Variants in PLCB1 observed in about 807,000 individuals in gnomAD.
PLCB1 encodes 1-phosphatidylinositol 4,5-bisphosphate phosphodiesterase beta-1.
PLCB1 carries 46 observed loss-of-function variants against 161.8 expected under a neutral mutation model. The ratio of observed to expected loss-of-function variants is 0.28; its 90% CI spans 0.22 to 0.36. The LOEUF (loss-of-function observed/expected upper bound fraction) is 0.36. PLCB1 is among the 10% of genes least tolerant of loss of function. The probability of loss-of-function intolerance (pLI) is 1.00; values close to 1 mark genes in which losing one functional copy is unlikely to be tolerated. For synonymous variants in PLCB1, 517 were observed against 503.7 expected (o/e 1.03, Z -0.35); for missense variants, 1,016 against 1,472.5 (o/e 0.69, Z 5.07).
chr20:8,722,171 A>G (rs1247599085), intron 14 of PLCB1, among the ~76,000 whole-genome samples, 183 bp from the exon 15 acceptor site: 3 of 151,930 alleles, frequency 2.0e-5, no homozygotes, highest in African/African-American at 2.4e-5. Flanking sequence ...GAAAAAATCT[A>G]TATTCAAAAT....
At chr20:8,779,883 T>A (rs1023853438) in intron 27 of PLCB1, among the ~76,000 whole-genome samples, 2 of 152,230 alleles carry the variant, frequency 1.3e-5, no homozygotes, top group Non-Finnish European at 2.9e-5. Context: ...CCTGTGGAAA[T>A]CACCCCTGTG....
intron 3 of PLCB1, among the ~76,000 whole-genome samples, chr20:8,518,121 G>T (rs1341035784): frequency 2.0e-5 from 3 of 152,038 alleles, no homozygotes; most frequent in African/African-American, 7.2e-5. Flanking sequence ...GGCGGAGGTT[G>T]CAGTGAGCCA....
intron 10 of PLCB1, among the ~76,000 whole-genome samples, chr20:8,688,199 C>T (rs1990399861): frequency 6.6e-6 from 1 of 152,052 alleles, no homozygotes; most frequent in African/African-American, 2.4e-5. Context: ...TTTCTCCTTG[C>T]TGATTTGTTT....
chr20:8,779,700 G>T (rs982188159), intron 27 of PLCB1, among the ~76,000 whole-genome samples: 10 of 152,110 alleles, frequency 6.6e-5, no homozygotes, highest in African/African-American at 2.4e-4. Context: ...GGATTCCCAG[G>T]TGTCTTGTCA....
chr20:8,322,873 C>T (rs1568631755), intron 2 of PLCB1, among the ~76,000 whole-genome samples: 1 of 152,168 alleles, frequency 6.6e-6, no homozygotes, highest in African/African-American at 2.4e-5. Context: ...GACCAGACGA[C>T]ATGTGTTGAA....
At chr20:8,242,761 G>A (rs534630235) in intron 2 of PLCB1, among the ~76,000 whole-genome samples, 6 of 152,072 alleles carry the variant, frequency 3.9e-5, no homozygotes, top group African/African-American at 1.2e-4. Flanking sequence ...TCCAGGGATA[G>A]GGACAAGGTT....
At chr20:8,813,177 G>T (rs58744718) in intron 31 of PLCB1, among the ~76,000 whole-genome samples, 4,019 of 152,236 alleles carry the variant, frequency 0.026, 167 homozygotes, top group African/African-American at 0.092. Flanking sequence ...AGGTCACATG[G>T]AACAAAAGGC....
chr20:8,837,118 C>G (rs1986318063), intron 31 of PLCB1, among the ~76,000 whole-genome samples: 3 of 152,222 alleles, frequency 2.0e-5, no homozygotes, highest in Non-Finnish European at 1.5e-5. Context: ...CAGAAGAGCC[C>G]TCTCCAGCCT....
chr20:8,374,058 A>G (rs1986990046), intron 3 of PLCB1, among the ~76,000 whole-genome samples: 1 of 151,982 alleles, frequency 6.6e-6, no homozygotes, highest in African/African-American at 2.4e-5. Flanking sequence ...ATGCCATGCA[A>G]GGTTCTGGTA....
Position 8,729,094 on chromosome 20 carries a change from G to A in PLCB1, c.1808G>A (p.Arg603His), listed in dbSNP as rs1980093812. The A allele has an allele frequency of 1.9e-6, 3 of 1,611,480 alleles. No individual in the cohort carries two copies. The highest frequency in any genetic ancestry group is 1.3e-5 in the African/African-American group (1 of 74,860). The change falls in exon 18 of 32, where the codon CGT (arginine) becomes CAT (histidine). Residue 603 changes from arginine (R) to histidine (H), a missense_variant. By Grantham distance (29) the Arg-to-His change is conservative. Coordinates refer to ENST00000338037, the MANE Select transcript of PLCB1 (RefSeq NM_015192.4). ...QLSRIYPKGTRVDSSNYMPQL... is the reference protein window; with the variant it reads ...QLSRIYPKGTHVDSSNYMPQL... ...AGCAGGATATATCCAAAAGGAACAC[G>A]TGTGGATTCATCCAACTATATGCCT...
intron 2 of PLCB1, among the ~76,000 whole-genome samples, chr20:8,339,529 C>T (rs1568637811): frequency 6.6e-6 from 1 of 152,218 alleles, no homozygotes; most frequent in Non-Finnish European, 1.5e-5. Context: ...TTACACCATG[C>T]AGACTGGCTG....
At chr20:8,420,604 A>G (rs1979498800) in intron 3 of PLCB1, among the ~76,000 whole-genome samples, 1 of 152,120 alleles carries the variant, frequency 6.6e-6, no homozygotes, top group African/African-American at 2.4e-5. Context: ...TTTAGCTCCC[A>G]CTCATAAGAG....
At chr20:8,465,011 C>T (rs1048544553) in intron 3 of PLCB1, among the ~76,000 whole-genome samples, 1 of 152,066 alleles carries the variant, frequency 6.6e-6, no homozygotes, top group African/African-American at 2.4e-5. Flanking sequence ...TTACTTCTTC[C>T]TTAATCATAT....
At chr20:8,154,648 A>T (rs964124562) in intron 2 of PLCB1, among the ~76,000 whole-genome samples, 17 of 152,228 alleles carry the variant, frequency 1.1e-4, no homozygotes, top group Non-Finnish European at 2.5e-4. Flanking sequence ...TGCAACTGTT[A>T]TATCACCTTG....
intron 24 of PLCB1, among the ~76,000 whole-genome samples, chr20:8,760,054 C>T (rs951385273): frequency 1.3e-5 from 2 of 151,936 alleles, no homozygotes; most frequent in African/African-American, 2.4e-5. Context: ...TACAAGTACC[C>T]GCCACCATGC....
chr20:8,729,274 C>A, intron 18 of PLCB1, 100 bp downstream of exon 18: 1 of 1,124,112 alleles, frequency 8.9e-7, no homozygotes, highest in Non-Finnish European at 1.2e-6. Context: ...CCAGACTTCA[C>A]TGAAAAAATA....
At chr20:8,781,243 A>C (rs1983204001) in intron 27 of PLCB1, among the ~76,000 whole-genome samples, 1 of 152,082 alleles carries the variant, frequency 6.6e-6, no homozygotes, top group Admixed American at 6.5e-5. Flanking sequence ...TTTTTTGAAA[A>C]ATAATTTAGC....
chr20:8,851,886 A>G (rs1019094902), intron 31 of PLCB1, among the ~76,000 whole-genome samples: 1 of 152,182 alleles, frequency 6.6e-6, no homozygotes, highest in African/African-American at 2.4e-5. Context: ...CCCCAGTACA[A>G]GTGTTCATAG....
At chr20:8,293,427 C>T (rs1204675664) in intron 2 of PLCB1, among the ~76,000 whole-genome samples, 1 of 152,002 alleles carries the variant, frequency 6.6e-6, no homozygotes, top group Non-Finnish European at 1.5e-5. Context: ...CTCATTTTGT[C>T]ATACAGAACA....
Sources: gnomAD v4.1 joint callset for allele counts (sites outside exome capture counted in the v4.1 genomes callset) on GRCh38, gnomAD v4.1.1 for gene constraint, MANE v1.5 for transcripts, NCBI Gene and HGNC (gene_info 2026-07-23, HGNC 2026-07-21) for gene names.